The following RAD51AP1 variants were observed in gnomAD, a reference collection of about 807,000 sequenced individuals.
RAD51AP1 encodes the protein RAD51-associated protein 1.
RAD51AP1 carries 14 observed loss-of-function variants against 34.3 expected under a neutral mutation model. That is an observed-to-expected ratio of 0.41 (90% CI 0.27 to 0.64). RAD51AP1 has a LOEUF of 0.64. Ranked by LOEUF, RAD51AP1 falls within the 30% of genes least tolerant of loss-of-function variation. The probability of loss-of-function intolerance (pLI) is 0.33; values close to 1 mark genes in which losing one functional copy is unlikely to be tolerated. For synonymous variants in RAD51AP1, 114 were observed against 129.8 expected (o/e 0.88, Z 0.83); for missense variants, 348 against 386.9 (o/e 0.90, Z 0.84).
intron 1 of RAD51AP1, 56 bp downstream of exon 1, chr12:4,539,012 G>A (rs1944429373): frequency 3.2e-6 from 5 of 1,581,922 alleles, no homozygotes; most frequent in East Asian, 2.2e-5. Flanking sequence ...GAAAAGACAT[G>A]AGACTAAGGG....
intron 4 of RAD51AP1, 92 bp from the exon 5 acceptor site, chr12:4,548,000 T>A (rs1229234634): frequency 7.8e-7 from 1 of 1,277,268 alleles, no homozygotes; most frequent in Admixed American, 2.7e-5. Flanking sequence ...TTTATTTATA[T>A]CTAAATGCTA....
intron 8 of RAD51AP1, among the ~76,000 whole-genome samples, chr12:4,558,324 C>T (rs1404830002): frequency 6.6e-6 from 1 of 151,820 alleles, no homozygotes; most frequent in Non-Finnish European, 1.5e-5. Context: ...GTTGTGTAGG[C>T]GAGCAACTAC....
chr12:4,542,196 G>T (rs1944472253), intron 2 of RAD51AP1, among the ~76,000 whole-genome samples: 1 of 152,110 alleles, frequency 6.6e-6, no homozygotes, highest in Non-Finnish European at 1.5e-5. Context: ...CAACATAGAG[G>T]TTTGTCTCCT....
At chr12:4,545,778 G>A (rs1490138861) in intron 3 of RAD51AP1, 1 of 1,607,872 alleles carries the variant, frequency 6.2e-7, no homozygotes, top group Non-Finnish European at 8.5e-7. Flanking sequence ...TCCTTTAATT[G>A]CAGACTCCCT....
At chr12:4,550,377 A>G (rs2137272286) in intron 6 of RAD51AP1, 2 of 152,342 alleles carry the variant, frequency 1.3e-5, no homozygotes, top group East Asian at 3.9e-4. Context: ...GTTTTGTTGT[A>G]GATAATATAT....
intron 1 of RAD51AP1, among the ~76,000 whole-genome samples, chr12:4,540,530 G>A (rs181190264): frequency 1.4e-5 from 2 of 145,908 alleles, no homozygotes; most frequent in African/African-American, 5.1e-5. Flanking sequence ...TCTTTGCAAT[G>A]TTTACTGCCA....
intron 7 of RAD51AP1, among the ~76,000 whole-genome samples, chr12:4,556,009 G>A (rs1240000332): frequency 1.3e-5 from 2 of 152,298 alleles, no homozygotes; most frequent in African/African-American, 4.8e-5. Flanking sequence ...ACAAGGATGG[G>A]ATTTTGGAGG....
chr12:4,548,887 A>C lies in RAD51AP1; in HGVS notation c.556+51A>C. On this transcript the variant is annotated intron_variant, in intron 6 of 8. Coordinates refer to ENST00000352618, the MANE Select transcript of RAD51AP1 (RefSeq NM_006479.5). ...AATTCTATGGGAATTCAGTCAAAAAAGTTCTTGGAAGCTATTAATTGTGCA... is the reference window on the plus strand; with the variant it reads ...AATTCTATGGGAATTCAGTCAAAAACGTTCTTGGAAGCTATTAATTGTGCA... The C allele has an allele frequency of 1.9e-6, 3 of 1,580,952 alleles. No homozygotes were observed. In the South Asian group the frequency reaches 3.4e-5, roughly 18 times the overall value.
intron 5 of RAD51AP1, 143 bp from the exon 6 acceptor site, chr12:4,548,544 G>A (rs991384788): frequency 2.1e-6 from 2 of 956,670 alleles, no homozygotes; most frequent in Non-Finnish European, 3.1e-6. Context: ...GACCCAGATT[G>A]GGCTAATAGT....
chr12:4,544,260 A>G (rs1351856086), intron 3 of RAD51AP1, among the ~76,000 whole-genome samples: 1 of 152,224 alleles, frequency 6.6e-6, no homozygotes, highest in Non-Finnish European at 1.5e-5. Flanking sequence ...AGATGACTTA[A>G]TATGAGGACA....
chr12:4,557,927 C>A (rs1944593877), intron 8 of RAD51AP1, among the ~76,000 whole-genome samples: 1 of 151,918 alleles, frequency 6.6e-6, no homozygotes, highest in Non-Finnish European at 1.5e-5. Flanking sequence ...TCAAGAGAAG[C>A]CAGAAATCCA....
intron 3 of RAD51AP1, chr12:4,545,745 C>T: frequency 6.2e-7 from 1 of 1,605,896 alleles, no homozygotes; most frequent in Non-Finnish European, 8.5e-7. Context: ...TAATTATTAG[C>T]ATGTCTTGTT....
intron 6 of RAD51AP1, among the ~76,000 whole-genome samples, chr12:4,551,131 T>TC (rs1180591054): frequency 6.6e-6 from 1 of 151,342 alleles, no homozygotes; most frequent in Admixed American, 6.6e-5. Flanking sequence ...CCGTCCCTCC[T>TC]CCCCCCACCA....
chr12:4,559,186 T>G lies in RAD51AP1; in HGVS notation c.*193T>G, dbSNP rs1944603940. ...TCAAGACTTCAATGAGAAGTTTGTT[T>G]ATAAGAATTATCTTCTCATACCTTT... is the stretch of plus-strand genomic sequence containing the variant. On this transcript the variant is annotated 3_prime_UTR_variant, in exon 9 of 9. Coordinates refer to ENST00000352618, the MANE Select transcript of RAD51AP1 (RefSeq NM_006479.5). 1.7e-6 allele frequency: 1 copy of G among 594,484 alleles called. No homozygotes were observed. The highest frequency in any genetic ancestry group is 1.9e-5 in the African/African-American group (1 of 52,688). 36.8% of individuals were successfully genotyped at this position (594,484 alleles called of 1,614,324 possible).
rs775234616 is a variant in RAD51AP1, at chr12:4,545,401, G to A, written c.210-908G>A. On this transcript the variant is annotated intron_variant, in intron 3 of 8. Transcript: ENST00000352618. ...AAGCAGATTAATGGTTGCTAGGAGG[G>A]GAGAGGGGTAAACAGGAAGTGAATG... 3 of 317,922 alleles carry A rather than the reference G, an allele frequency of 9.4e-6. No individual in the cohort carries two copies. In the East Asian group the frequency reaches 2.4e-4, roughly 25 times the overall value. 19.7% of individuals were successfully genotyped at this position (317,922 alleles called of 1,614,324 possible). A position where few individuals can be genotyped will look rare whatever the true frequency, so the allele number is the denominator to read the frequency against.
chr12:4,557,888 C>T (rs1944593617), intron 8 of RAD51AP1, among the ~76,000 whole-genome samples: 1 of 151,992 alleles, frequency 6.6e-6, no homozygotes, highest in African/African-American at 2.4e-5. Context: ...AGATTATGGG[C>T]TTGGTATTTC....
intron 1 of RAD51AP1, among the ~76,000 whole-genome samples, chr12:4,539,407 CTG>C (rs1944437813): frequency 6.6e-6 from 1 of 152,204 alleles, no homozygotes; most frequent in African/African-American, 2.4e-5. Context: ...TCAAGATCCT[CTG>C]TGCTTTCCAT....
intron 1 of RAD51AP1, among the ~76,000 whole-genome samples, chr12:4,540,093 CTGA>C (rs1314792153): frequency 3.3e-5 from 5 of 151,990 alleles, no homozygotes; most frequent in Non-Finnish European, 7.4e-5. Context: ...ACAGAACTTG[CTGA>C]TGAAGTAGAT....
chr12:4,546,470 G>A (rs2137257657), intron 4 of RAD51AP1, 52 bp downstream of exon 4: 1 of 1,363,322 alleles, frequency 7.3e-7, no homozygotes, highest in Non-Finnish European at 1.0e-6. Context: ...ATGCTTTTGT[G>A]ATTATTTGTT....
Sources: gnomAD v4.1 joint callset for allele counts (sites outside exome capture counted in the v4.1 genomes callset) on GRCh38, gnomAD v4.1.1 for gene constraint, MANE v1.5 for transcripts, NCBI Gene and HGNC (gene_info 2026-07-23, HGNC 2026-07-21) for gene names.